Variants in KLF12 observed in about 807,000 individuals in gnomAD.
KLF12 encodes Krueppel-like factor 12.
A neutral mutation model predicts 37.8 loss-of-function variants in KLF12; 9 were observed. The observed-to-expected ratio is 0.24, with a 90% CI of 0.14 to 0.42. The LOEUF is 0.42. Among genes scored for constraint, KLF12 ranks in the 10% least tolerant of loss-of-function variants. The probability of loss-of-function intolerance (pLI) is 1.00; values close to 1 mark genes in which losing one functional copy is unlikely to be tolerated. For synonymous variants in KLF12, 208 were observed against 202.1 expected (o/e 1.03, Z -0.25); for missense variants, 411 against 516.0 (o/e 0.80, Z 1.97).
chr13:73,907,614 A>C (rs1313023260), intron 3 of KLF12, among the ~76,000 whole-genome samples: 1 of 152,182 alleles, frequency 6.6e-6, no homozygotes, highest in Non-Finnish European at 1.5e-5. Flanking sequence ...CCAAATTCAA[A>C]ATTAATCAAG....
At chr13:74,161,068 C>A in the KLF12 span, among the ~76,000 whole-genome samples, 1 of 139,494 alleles carries the variant, frequency 7.2e-6, no homozygotes, top group Non-Finnish European at 1.6e-5. Context: ...TCAGGAGAGT[C>A]TTTTTTTTTT....
chr13:74,287,389 A>AGAGAGAGAGAGAGAGG, the KLF12 span, among the ~76,000 whole-genome samples: 38 of 150,762 alleles, frequency 2.5e-4, no homozygotes, highest in African/African-American at 9.4e-4. Flanking sequence ...AGAGAGAGAG[A>AGAGAGAGAGAGAGAGG]GAGAGAATCC....
intron 3 of KLF12, among the ~76,000 whole-genome samples, chr13:73,928,933 G>A (rs1889535981): frequency 6.6e-6 from 1 of 152,128 alleles, no homozygotes; most frequent in Non-Finnish European, 1.5e-5. Flanking sequence ...ACCCCCCATA[G>A]ACATTCTTAT....
At position 73,988,037 on chromosome 13, in the gene KLF12, C is replaced by G. The variant is rs557267917; in HGVS notation, c.33+6953G>C. The stretch of plus-strand genomic sequence containing the variant: ...TGTCATTTCCAGAGTCTCCCCTCTG[C>G]TTCCATGGCACAGCAGTGCCCCTTA... On this transcript the variant is annotated intron_variant, in intron 2 of 7. Transcript: ENST00000377669. Among the ~76,000 whole-genome samples the G allele has an allele frequency of 9.8e-5, 15 of 152,336 alleles. No homozygotes were observed. In the South Asian group the frequency reaches 1.7e-3, roughly 17 times the overall value.
intron 6 of KLF12, among the ~76,000 whole-genome samples, chr13:73,731,164 G>C (rs187639165): frequency 8.2e-4 from 125 of 152,176 alleles, no homozygotes; most frequent in African/African-American, 2.7e-3. Context: ...TAACTGATTG[G>C]ATAACCGGGG....
chr13:74,206,258 C>T, the KLF12 span, among the ~76,000 whole-genome samples: 1 of 152,122 alleles, frequency 6.6e-6, no homozygotes, highest in African/African-American at 2.4e-5. Flanking sequence ...TTTTATAATA[C>T]TAACTATAAT....
At chr13:73,726,395 A>G (rs1203596935) in intron 6 of KLF12, among the ~76,000 whole-genome samples, 2 of 152,132 alleles carry the variant, frequency 1.3e-5, no homozygotes, top group Non-Finnish European at 2.9e-5. Flanking sequence ...ACTCCAAAAC[A>G]TTTTCATCAC....
the KLF12 span, among the ~76,000 whole-genome samples, chr13:74,187,628 G>A: frequency 6.6e-6 from 1 of 152,316 alleles, no homozygotes; most frequent in African/African-American, 2.4e-5. Context: ...TTTGATGAAT[G>A]ACTGAATGAA....
At chr13:74,263,136 G>A in the KLF12 span, among the ~76,000 whole-genome samples, 4 of 152,112 alleles carry the variant, frequency 2.6e-5, no homozygotes, top group South Asian at 2.1e-4. Flanking sequence ...AGTATTTAAA[G>A]TAAGTAAGTT....
chr13:73,831,297 G>C (rs1033321998), intron 4 of KLF12, among the ~76,000 whole-genome samples: 1 of 152,092 alleles, frequency 6.6e-6, no homozygotes, highest in East Asian at 1.9e-4. Context: ...TACAGAAAGT[G>C]ATATGAGTCT....
chr13:73,999,504 T>A (rs1892212997), intron 1 of KLF12, among the ~76,000 whole-genome samples: 1 of 151,634 alleles, frequency 6.6e-6, no homozygotes, highest in African/African-American at 2.4e-5. Context: ...GAGACCCAGG[T>A]GGGCAGATCA....
intron 1 of KLF12, among the ~76,000 whole-genome samples, chr13:74,017,235 C>T (rs1173070832): frequency 1.7e-4 from 6 of 34,724 alleles, no homozygotes; most frequent in Non-Finnish European, 2.9e-4. Context: ...TAAAAATGAG[C>T]GAATAAATAA....
chr13:74,248,995 G>A, the KLF12 span, among the ~76,000 whole-genome samples: 1 of 152,090 alleles, frequency 6.6e-6, no homozygotes, highest in African/African-American at 2.4e-5. Flanking sequence ...TGTGGTTCTA[G>A]AGGAGTGAAT....
intron 1 of KLF12, among the ~76,000 whole-genome samples, chr13:74,036,768 T>C (rs779398867): frequency 1.3e-5 from 2 of 152,190 alleles, no homozygotes; most frequent in Non-Finnish European, 2.9e-5. Flanking sequence ...CAATGAAATG[T>C]GAAAGAATAA....
chr13:73,982,092 T>G (rs1891702937), intron 2 of KLF12, among the ~76,000 whole-genome samples: 1 of 152,246 alleles, frequency 6.6e-6, no homozygotes, highest in Non-Finnish European at 1.5e-5. Flanking sequence ...CTTTGTTGAC[T>G]AGAGTGATTA....
At chr13:74,136,900 AAG>A (rs1276803051), upstream of KLF12, among the ~76,000 whole-genome samples, 1 of 152,154 alleles carries the variant, frequency 6.6e-6, no homozygotes, top group African/African-American at 2.4e-5. Context: ...AAAAGGAGAA[AAG>A]AGAAAAACAG....
chr13:74,171,258 TTC>T, the KLF12 span, among the ~76,000 whole-genome samples: 1 of 152,190 alleles, frequency 6.6e-6, no homozygotes, highest in Non-Finnish European at 1.5e-5. Context: ...CTATCACATT[TTC>T]TGCCCAAGTC....
chr13:73,868,477 G>A (rs750752638), intron 3 of KLF12, among the ~76,000 whole-genome samples: 4 of 151,804 alleles, frequency 2.6e-5, no homozygotes, highest in African/African-American at 4.8e-5. Flanking sequence ...CACAACCTCC[G>A]CCTCCCGGGT....
At chr13:74,055,283 C>A (rs1873183503) in intron 1 of KLF12, among the ~76,000 whole-genome samples, 1 of 152,158 alleles carries the variant, frequency 6.6e-6, no homozygotes, top group Non-Finnish European at 1.5e-5. Flanking sequence ...AAATCCATTC[C>A]ATTTACTTAC....
Sources: allele counts gnomAD v4.1 joint callset (sites outside exome capture counted in the v4.1 genomes callset), GRCh38; gene constraint gnomAD v4.1.1; transcripts MANE v1.5; gene names NCBI Gene and HGNC (gene_info 2026-07-23, HGNC 2026-07-21).